Variants in ADGRB3 observed in about 807,000 individuals in gnomAD.
ADGRB3 encodes adhesion G protein-coupled receptor B3, also known as brain-specific angiogenesis inhibitor 3.
ADGRB3 carries 37 observed loss-of-function variants against 193.4 expected under a neutral mutation model. The observed-to-expected ratio is 0.19, with a 90% CI of 0.15 to 0.25. The LOEUF is 0.25. ADGRB3 is among the 10% of genes least tolerant of loss of function. ADGRB3 has a pLI of 1.00. For synonymous variants in ADGRB3, 690 were observed against 644.2 expected (o/e 1.07, Z -1.08); for missense variants, 1,637 against 1,852.9 (o/e 0.88, Z 2.14).
chr6:69,100,918 G>GAAGA (rs1773029357), intron 17 of ADGRB3, among the ~76,000 whole-genome samples: 1 of 38,958 alleles, frequency 2.6e-5, no homozygotes. Context: ...GGGAGGGAAG[G>GAAGA]AAGGAAGGAG....
chr6:69,016,632 T>A (rs1302365475), intron 12 of ADGRB3, among the ~76,000 whole-genome samples: 1 of 151,938 alleles, frequency 6.6e-6, no homozygotes, highest in Non-Finnish European at 1.5e-5. Context: ...GCTTCTACCT[T>A]TCACAGAAAC....
chr6:68,873,369 G>A lies in ADGRB3; in HGVS notation c.758-57190G>A, dbSNP rs187316745. On this transcript the variant is annotated intron_variant, in intron 3 of 31. Coordinates refer to ENST00000370598, the MANE Select transcript of ADGRB3 (RefSeq NM_001704.3). ...CCTGTGAGATTGCAGTTTGGATTAC[G>A]GCCATATTTCATGTATTTTTCTCCC... is the stretch of plus-strand genomic sequence containing the variant. 2.3e-3 allele frequency among the ~76,000 whole-genome samples: 347 copies of A among 152,084 alleles called. 1 individual carries two copies. Among genetic ancestry groups the A allele is most frequent in the African/African-American group, 8.0e-3 (332 of 41,500 alleles).
chr6:69,338,518 A>G (rs1015572227), intron 24 of ADGRB3, among the ~76,000 whole-genome samples: 4 of 152,218 alleles, frequency 2.6e-5, no homozygotes, highest in Admixed American at 6.5e-5. Flanking sequence ...ACAGATATAT[A>G]TGCCTTCTGC....
chr6:68,774,115 G>T (rs780821433), intron 3 of ADGRB3, among the ~76,000 whole-genome samples: 1 of 151,184 alleles, frequency 6.6e-6, no homozygotes, highest in Non-Finnish European at 1.5e-5. Context: ...TGTCATAAAA[G>T]CATTTTAAAA....
intron 17 of ADGRB3, among the ~76,000 whole-genome samples, chr6:69,228,674 T>C (rs545514310): frequency 2.0e-5 from 3 of 152,320 alleles, no homozygotes; most frequent in Non-Finnish European, 4.4e-5. Context: ...TGCATATATA[T>C]GTTTTATGTT....
At chr6:68,953,721 C>T (rs888186189) in intron 6 of ADGRB3, among the ~76,000 whole-genome samples, 5 of 152,098 alleles carry the variant, frequency 3.3e-5, no homozygotes. Flanking sequence ...GATTTTTAAT[C>T]TCATAAAGGG....
intron 6 of ADGRB3, among the ~76,000 whole-genome samples, chr6:68,945,528 T>C (rs1010129008): frequency 2.0e-5 from 3 of 152,128 alleles, no homozygotes; most frequent in African/African-American, 7.2e-5. Context: ...AATGCTGAGC[T>C]GTAACATTTA....
intron 3 of ADGRB3, among the ~76,000 whole-genome samples, chr6:68,826,666 T>A (rs1330415764): frequency 6.6e-6 from 1 of 152,172 alleles, no homozygotes. Flanking sequence ...AGGAGGCTAT[T>A]ATAGCAACCT....
At chr6:68,891,987 G>A (rs1006947399) in intron 3 of ADGRB3, among the ~76,000 whole-genome samples, 25 of 152,132 alleles carry the variant, frequency 1.6e-4, no homozygotes, top group Admixed American at 1.4e-3. Flanking sequence ...AAAATGTTCT[G>A]TCCATACTGT....
chr6:68,887,920 A>G (rs554454362), intron 3 of ADGRB3, among the ~76,000 whole-genome samples: 2 of 152,250 alleles, frequency 1.3e-5, no homozygotes, highest in Admixed American at 6.5e-5. Flanking sequence ...ATAAAACCCA[A>G]AATCCCCACT....
At chr6:69,356,493 GGAGA>G (rs1263890685) in intron 28 of ADGRB3, among the ~76,000 whole-genome samples, 2 of 151,648 alleles carry the variant, frequency 1.3e-5, no homozygotes, top group African/African-American at 2.4e-5. Flanking sequence ...GGAGGAAGAA[GGAGA>G]GAGAGAGAGA....
At chr6:68,746,136 A>G (rs561840737) in intron 3 of ADGRB3, among the ~76,000 whole-genome samples, 1 of 152,162 alleles carries the variant, frequency 6.6e-6, no homozygotes, top group South Asian at 2.1e-4. Context: ...GAGCTTGAAA[A>G]TATCCTTTCT....
In ADGRB3 at chr6:69,031,048, T is replaced by TC. The variant is rs1562128883; in HGVS notation, c.2107+12550dup. 5.7e-3 allele frequency among the ~76,000 whole-genome samples: 73 copies of TC among 12,844 alleles called. 11 individuals are homozygous for TC. Among genetic ancestry groups the TC allele is most frequent in the African/African-American group, 9.7e-3 (43 of 4,444 alleles). 8.4% of individuals were successfully genotyped at this position (12,844 alleles called of 152,430 possible). On this transcript the variant is annotated intron_variant, in intron 13 of 31. Transcript: ENST00000370598. ...TTTCCTCTTCTCTTCTCTCTTCTCT[T>TC]CTCTTCTCTTCTCTTCTCTTCTCTT...
Position 69,354,254 on chromosome 6 carries a change from C to A in ADGRB3, c.3481C>A (p.Arg1161=), listed in dbSNP as rs1561996874. Residue 1161 remains arginine (R), a synonymous_variant, in exon 27 of 32, where the codon CGA becomes AGA. Transcript: ENST00000370598. ...RREVQDAFRC[R]LRNCQDPINA... is the part of the protein sequence containing the mutation. ...ACAGGTTCAGGATGCATTTAGATGC[C>A]GATTGAGAAACTGTCAGGATCCCAT... The A allele has an allele frequency of 1.2e-6, 2 of 1,613,648 alleles. No individual in the cohort carries two copies. Among genetic ancestry groups the A allele is most frequent in the East Asian group, 4.5e-5 (2 of 44,848 alleles).
intron 26 of ADGRB3, among the ~76,000 whole-genome samples, chr6:69,344,810 G>A (rs1769050349): frequency 6.6e-6 from 1 of 152,142 alleles, no homozygotes; most frequent in Admixed American, 6.6e-5. Flanking sequence ...GTTCCTAAGG[G>A]AACAATGAGG....
chr6:68,899,999 C>A (rs1424141189), intron 3 of ADGRB3, among the ~76,000 whole-genome samples: 2 of 152,006 alleles, frequency 1.3e-5, no homozygotes, highest in African/African-American at 4.8e-5. Context: ...AAAATACTTA[C>A]ATTTTACCTT....
chr6:69,209,766 T>C (rs1043072550), intron 17 of ADGRB3, among the ~76,000 whole-genome samples: 21 of 152,312 alleles, frequency 1.4e-4, no homozygotes, highest in African/African-American at 4.6e-4. Context: ...GTACCAGATG[T>C]TCTTTGGTTC....
At chr6:69,249,063 C>G (rs572054368) in intron 20 of ADGRB3, among the ~76,000 whole-genome samples, 3 of 152,132 alleles carry the variant, frequency 2.0e-5, no homozygotes, top group African/African-American at 7.2e-5. Context: ...CTGAAACCTC[C>G]GCCTCCCGGG....
At chr6:69,195,018 C>T (rs186077170) in intron 17 of ADGRB3, among the ~76,000 whole-genome samples, 2 of 152,008 alleles carry the variant, frequency 1.3e-5, no homozygotes, top group African/African-American at 2.4e-5. Context: ...AAGTTTGAGT[C>T]GGCAGATACT....
Sources: gnomAD v4.1 joint callset for allele counts (sites outside exome capture counted in the v4.1 genomes callset) on GRCh38, gnomAD v4.1.1 for gene constraint, MANE v1.5 for transcripts, NCBI Gene and HGNC (gene_info 2026-07-23, HGNC 2026-07-21) for gene names.